PHACTR3: variants seen among roughly 807,000 people sequenced by gnomAD.
PHACTR3 encodes the protein phosphatase and actin regulator 3, also known as protein phosphatase 1, regulatory subunit 123.
A neutral mutation model predicts 66.8 loss-of-function variants in PHACTR3; 16 were observed. The ratio of observed to expected loss-of-function variants is 0.24; its 90% CI spans 0.16 to 0.36. The LOEUF (loss-of-function observed/expected upper bound fraction) is 0.36, where lower values mean the gene tolerates loss of function less well. Ranked by LOEUF, PHACTR3 falls within the 10% of genes least tolerant of loss-of-function variation. The pLI is 1.00. For synonymous variants in PHACTR3, 323 were observed against 292.1 expected (o/e 1.11, Z -1.08); for missense variants, 647 against 719.9 (o/e 0.90, Z 1.16).
intron 1 of PHACTR3, among the ~76,000 whole-genome samples, chr20:59,591,865 G>A (rs2146313230): frequency 6.6e-6 from 1 of 152,210 alleles, no homozygotes; most frequent in South Asian, 2.1e-4. Context: ...AAAATATAAA[G>A]AATACAGTAG....
In PHACTR3 at chr20:59,847,000, T is replaced by C. The variant is rs955943604; in HGVS notation, c.1665-115T>C. The stretch of plus-strand genomic sequence containing the variant: ...TAGCTCCATCCTCATGTTTTACATA[T>C]GGGACTTCTGAGAATCTTTTTAATA... On this transcript the variant is annotated intron_variant, in intron 12 of 12. Coordinates refer to ENST00000371015, the MANE Select transcript of PHACTR3 (RefSeq NM_080672.5). 1.9e-5 allele frequency: 13 copies of C among 693,364 alleles called. No homozygotes were observed. The East Asian group carries it at 3.0e-4, about 16-fold the overall frequency. 43.0% of individuals were successfully genotyped at this position (693,364 alleles called of 1,614,324 possible). A position where few individuals can be genotyped will look rare whatever the true frequency, so the allele number is the denominator to read the frequency against.
At chr20:59,632,912 G>A (rs1441692350) in intron 1 of PHACTR3, among the ~76,000 whole-genome samples, 1 of 152,226 alleles carries the variant, frequency 6.6e-6, no homozygotes, top group Non-Finnish European at 1.5e-5. Flanking sequence ...CTTCAAAGTG[G>A]AGTATCATGG....
chr20:59,790,813 G>A (rs755989144), intron 7 of PHACTR3, among the ~76,000 whole-genome samples: 37 of 152,204 alleles, frequency 2.4e-4, no homozygotes, highest in Non-Finnish European at 4.6e-4. Context: ...TTTTTTTAGA[G>A]GTGAGATGTG....
chr20:59,681,365 A>G (rs2036640391), intron 1 of PHACTR3, among the ~76,000 whole-genome samples: 1 of 141,422 alleles, frequency 7.1e-6, no homozygotes, highest in Non-Finnish European at 1.6e-5. Flanking sequence ...TCATTGTACC[A>G]TTTTTTTTTT....
At chr20:59,783,934 C>T (rs550684752) in intron 7 of PHACTR3, among the ~76,000 whole-genome samples, 2 of 152,258 alleles carry the variant, frequency 1.3e-5, no homozygotes, top group Admixed American at 6.5e-5. Context: ...ATCCGTCTCC[C>T]TGGGGCCTGG....
chr20:59,657,243 A>G (rs1601021810), intron 1 of PHACTR3, among the ~76,000 whole-genome samples: 3 of 144,306 alleles, frequency 2.1e-5, no homozygotes, highest in African/African-American at 7.8e-5. Context: ...TATAGGCACA[A>G]TGATAGAAGT....
intron 1 of PHACTR3, among the ~76,000 whole-genome samples, chr20:59,591,647 G>T (rs2033185375): frequency 6.6e-6 from 1 of 151,872 alleles, no homozygotes; most frequent in East Asian, 1.9e-4. Flanking sequence ...CTCATGGCTG[G>T]TCTCACCCGT....
At chr20:59,613,423 T>G (rs1277454435) in intron 1 of PHACTR3, among the ~76,000 whole-genome samples, 1 of 152,202 alleles carries the variant, frequency 6.6e-6, no homozygotes, top group Non-Finnish European at 1.5e-5. Context: ...CTGCCGAGTT[T>G]GACATTGCCT....
At chr20:59,716,848 G>A (rs1339498420) in intron 1 of PHACTR3, among the ~76,000 whole-genome samples, 2 of 152,156 alleles carry the variant, frequency 1.3e-5, no homozygotes, top group Non-Finnish European at 2.9e-5. Context: ...CTCAATAAAT[G>A]CGCCTTGCTC....
At chr20:59,649,924 A>G (rs1019742252) in intron 1 of PHACTR3, among the ~76,000 whole-genome samples, 2 of 152,198 alleles carry the variant, frequency 1.3e-5, no homozygotes, top group Admixed American at 1.3e-4. Context: ...ATAGATGTGC[A>G]TCCATTTTAT....
At chr20:59,649,526 ATTT>A (rs2035391688) in intron 1 of PHACTR3, among the ~76,000 whole-genome samples, 2 of 152,180 alleles carry the variant, frequency 1.3e-5, no homozygotes, top group African/African-American at 4.8e-5. Context: ...GACGGTTGGA[ATTT>A]TATTGAGTAT....
rs547177485 is a variant in PHACTR3, at chr20:59,719,962, A to G, written c.119-23145A>G. On this transcript the variant is annotated intron_variant, in intron 1 of 12. Transcript: ENST00000371015. ...TGTTTTCAAAATGCCAGCTGGTTGC[A>G]TTTTGTTTTTCCAAATGATATTGTA... Among the ~76,000 whole-genome samples, 92 of 152,228 alleles carry G rather than the reference A, an allele frequency of 6.0e-4. No individual in the cohort carries two copies. In the South Asian group the frequency reaches 7.7e-3, roughly 13 times the overall value.
At chr20:59,629,844 T>A (rs2034602842) in intron 1 of PHACTR3, among the ~76,000 whole-genome samples, 1 of 152,218 alleles carries the variant, frequency 6.6e-6, no homozygotes, top group Non-Finnish European at 1.5e-5. Flanking sequence ...GTCTTCCCAC[T>A]GACTGATGGC....
chr20:59,749,793 T>G (rs1271213555), intron 3 of PHACTR3, among the ~76,000 whole-genome samples: 1 of 152,230 alleles, frequency 6.6e-6, no homozygotes, highest in Non-Finnish European at 1.5e-5. Context: ...TTTTATATAA[T>G]TTTCATGTGC....
intron 1 of PHACTR3, among the ~76,000 whole-genome samples, chr20:59,594,470 A>G (rs1319744854): frequency 6.6e-6 from 1 of 152,106 alleles, no homozygotes; most frequent in Non-Finnish European, 1.5e-5. Flanking sequence ...AACTTGAACA[A>G]TGTTGAACAG....
intron 11 of PHACTR3, among the ~76,000 whole-genome samples, chr20:59,842,113 G>A (rs1320949860): frequency 6.6e-6 from 1 of 152,174 alleles, no homozygotes; most frequent in African/African-American, 2.4e-5. Context: ...TAGAGAGGCA[G>A]GAAGAACACA....
At chr20:59,676,409 C>T (rs1274897453) in intron 1 of PHACTR3, among the ~76,000 whole-genome samples, 4 of 152,202 alleles carry the variant, frequency 2.6e-5, no homozygotes, top group Non-Finnish European at 5.9e-5. Flanking sequence ...GGGGCCAGCA[C>T]TTGATCCACT....
At chr20:59,644,211 G>A (rs1479108243) in intron 1 of PHACTR3, among the ~76,000 whole-genome samples, 2 of 152,184 alleles carry the variant, frequency 1.3e-5, no homozygotes, top group Admixed American at 6.5e-5. Context: ...ACCCTGATGG[G>A]CAGAAGCTTC....
At chr20:59,609,243 C>T (rs943083373) in intron 1 of PHACTR3, among the ~76,000 whole-genome samples, 6 of 152,184 alleles carry the variant, frequency 3.9e-5, no homozygotes, top group Admixed American at 6.5e-5. Flanking sequence ...AGACACATTC[C>T]CCAGGCCCTG....
Sources: gnomAD v4.1 joint callset for allele counts (sites outside exome capture counted in the v4.1 genomes callset) on GRCh38, gnomAD v4.1.1 for gene constraint, MANE v1.5 for transcripts, NCBI Gene and HGNC (gene_info 2026-07-23, HGNC 2026-07-21) for gene names.